The following AIG1 variants were observed in gnomAD, a reference collection of about 807,000 sequenced individuals.
AIG1 encodes the protein androgen-induced gene 1 protein.
A neutral mutation model predicts 31.4 loss-of-function variants in AIG1; 23 were observed. That is an observed-to-expected ratio of 0.73 (90% CI 0.53 to 1.04). The LOEUF is 1.04. Among genes scored for constraint, AIG1 ranks in the 50% least tolerant of loss-of-function variants. The pLI, the probability that AIG1 is intolerant of heterozygous loss-of-function variation, is 0.00. For synonymous variants in AIG1, 100 were observed against 110.5 expected, an observed-to-expected ratio of 0.90 and a Z score of 0.60; for missense variants, 274 against 295.0, an observed-to-expected ratio of 0.93 and a Z score of 0.52.
chr6:143,255,067 AT>A (rs1178638022), intron 3 of AIG1, among the ~76,000 whole-genome samples: 6 of 152,162 alleles, frequency 3.9e-5, no homozygotes, highest in Admixed American at 6.5e-5. Context: ...GAAGTTTCTG[AT>A]TCTGTAATCT....
chr6:143,110,860 T>A (rs1306300283), intron 1 of AIG1, among the ~76,000 whole-genome samples: 1 of 152,190 alleles, frequency 6.6e-6, no homozygotes, highest in Non-Finnish European at 1.5e-5. Context: ...AATAAACCAA[T>A]GCATATTTTA....
At chr6:143,228,555 G>T (rs140113059) in intron 3 of AIG1, among the ~76,000 whole-genome samples, 140 of 152,320 alleles carry the variant, frequency 9.2e-4, no homozygotes, top group Admixed American at 6.5e-4. Flanking sequence ...AACAGCCACA[G>T]ACCCACATAA....
rs1463437111 is a variant in AIG1 at position 143,292,721 on chromosome 6, C to T, written c.515+8496C>T. 6.6e-6 allele frequency among the ~76,000 whole-genome samples: 1 copy of T among 152,164 alleles called. No homozygotes were observed. The highest frequency in any genetic ancestry group is 1.9e-4 in the East Asian group (1 of 5,198). On this transcript the variant is annotated intron_variant, in intron 4 of 5. Transcript: ENST00000357847. This position sits in a 1 kb window ranked among gnomAD's most constrained non-coding sequence, Gnocchi z 4.9. ...AACAAATCACTTAATCTCTATGGGC[C>T]TCAATTTCCTTATCCGAAACAAAAA...
chr6:143,339,520 T>G (rs1583922141), intron 5 of AIG1, 119 bp from the exon 6 acceptor site: 2 of 977,964 alleles, frequency 2.0e-6, no homozygotes, highest in Admixed American at 2.3e-5. Context: ...GTCAGGAGGG[T>G]GAATGGGAGA....
chr6:143,313,278 A>G (rs1482526457), intron 4 of AIG1, among the ~76,000 whole-genome samples: 1 of 152,202 alleles, frequency 6.6e-6, no homozygotes, highest in South Asian at 2.1e-4. Flanking sequence ...ACTATTCACA[A>G]TAGCCAAGAT....
At chr6:143,311,957 A>G (rs959139592) in intron 4 of AIG1, among the ~76,000 whole-genome samples, 1 of 152,076 alleles carries the variant, frequency 6.6e-6, no homozygotes, top group Non-Finnish European at 1.5e-5. Flanking sequence ...AACCCCCTTT[A>G]CAATAGCTAC....
chr6:143,177,583 G>A (rs1210152613), intron 3 of AIG1, among the ~76,000 whole-genome samples: 1 of 152,240 alleles, frequency 6.6e-6, no homozygotes, highest in African/African-American at 2.4e-5. Flanking sequence ...ATTGGTGTCT[G>A]TGAGTACCTC....
chr6:143,062,392 C>T (rs189163402), intron 1 of AIG1, among the ~76,000 whole-genome samples: 7 of 152,284 alleles, frequency 4.6e-5, no homozygotes, highest in Admixed American at 2.0e-4. Flanking sequence ...GTGATGCCTG[C>T]CAGTTCTCCT....
At chr6:143,300,362 C>A (rs1798740801) in intron 4 of AIG1, among the ~76,000 whole-genome samples, 1 of 152,164 alleles carries the variant, frequency 6.6e-6, no homozygotes, top group Non-Finnish European at 1.5e-5. Context: ...CTTTGCAATT[C>A]TCCCGTTTTC....
At chr6:143,120,012 C>G (rs1782105825) in intron 1 of AIG1, among the ~76,000 whole-genome samples, 2 of 152,174 alleles carry the variant, frequency 1.3e-5, no homozygotes, top group Non-Finnish European at 2.9e-5. Context: ...TCACCACAAC[C>G]TCTGCCTCCT....
chr6:143,148,816 C>G (rs1409270154), intron 2 of AIG1, among the ~76,000 whole-genome samples: 1 of 150,480 alleles, frequency 6.6e-6, no homozygotes, highest in Admixed American at 6.6e-5. Context: ...ATGACTATGT[C>G]TCCAAAAAAA....
At chr6:143,205,067 G>A (rs549044111) in intron 3 of AIG1, among the ~76,000 whole-genome samples, 144 of 152,278 alleles carry the variant, frequency 9.5e-4, no homozygotes, top group African/African-American at 3.3e-3. Flanking sequence ...TGGCTGACTT[G>A]TTCAATGCTC....
chr6:143,276,299 G>C (rs1339247912), intron 3 of AIG1, among the ~76,000 whole-genome samples: 1 of 152,234 alleles, frequency 6.6e-6, no homozygotes, highest in African/African-American at 2.4e-5. Context: ...AATGTTAGAA[G>C]TGAGTAAATT....
At chr6:143,079,769 G>C (rs897028792) in intron 1 of AIG1, among the ~76,000 whole-genome samples, 2 of 146,936 alleles carry the variant, frequency 1.4e-5, no homozygotes, top group Middle Eastern at 3.5e-3. Flanking sequence ...TATTTTCTTA[G>C]GATAGATTCC....
intron 3 of AIG1, among the ~76,000 whole-genome samples, chr6:143,236,037 T>C (rs1269592659): frequency 6.6e-6 from 1 of 152,224 alleles, no homozygotes; most frequent in Non-Finnish European, 1.5e-5. Flanking sequence ...TCCTTCAGCT[T>C]AAAATATTTT....
chr6:143,150,674 T>C (rs1300746621), intron 2 of AIG1, among the ~76,000 whole-genome samples: 1 of 152,024 alleles, frequency 6.6e-6, no homozygotes, highest in African/African-American at 2.4e-5. Flanking sequence ...ACATTTGTGC[T>C]TGAAGAGTCT....
At chr6:143,290,618 G>A (rs1418604633) in intron 4 of AIG1, among the ~76,000 whole-genome samples, 3 of 152,188 alleles carry the variant, frequency 2.0e-5, no homozygotes, top group Non-Finnish European at 4.4e-5. Context: ...TGTTGATCAT[G>A]AGCTTTAGGT....
At chr6:143,341,943 G>A (rs901946353), downstream of AIG1, among the ~76,000 whole-genome samples, 1 of 151,752 alleles carries the variant, frequency 6.6e-6, no homozygotes, top group African/African-American at 2.4e-5. Context: ...TTTTGTTTTT[G>A]AAACGGAGTT....
At chr6:143,185,483 C>T (rs1789177272) in intron 3 of AIG1, among the ~76,000 whole-genome samples, 1 of 152,198 alleles carries the variant, frequency 6.6e-6, no homozygotes, top group Non-Finnish European at 1.5e-5. Context: ...GTCTCCCATT[C>T]AGAACTCTGC....
Sources: gnomAD v4.1 joint callset for allele counts (sites outside exome capture counted in the v4.1 genomes callset) on GRCh38, gnomAD v4.1.1 for gene constraint, Gnocchi (gnomAD v3.1) non-coding constraint, MANE v1.5 for transcripts, NCBI Gene and HGNC (gene_info 2026-07-23, HGNC 2026-07-21) for gene names.